SPACA9: variants seen among roughly 807,000 people sequenced by gnomAD.
SPACA9 encodes sperm acrosome associated 9, also known as sperm acrosome-associated protein 9.
A neutral mutation model predicts 12.5 loss-of-function variants in SPACA9; 14 were observed. That is an observed-to-expected ratio of 1.12 (90% CI 0.74 to 1.75). The LOEUF (loss-of-function observed/expected upper bound fraction) is 1.75, where lower values mean the gene tolerates loss of function less well. SPACA9 is among the 40% of genes most tolerant of loss of function. SPACA9 has a pLI of 0.00. For missense variants in SPACA9, 292 were observed against 291.9 expected (o/e 1.00, Z 0.00); for synonymous variants, 111 against 114.1 (o/e 0.97, Z 0.17).
Position 132,887,246 on chromosome 9 carries a change from G to A in SPACA9, c.145-123G>A, listed in dbSNP as rs938370794. 13 of 789,754 alleles carry A rather than the reference G, an allele frequency of 1.6e-5. No individual in the cohort carries two copies. Among genetic ancestry groups the A allele is most frequent in the African/African-American group, 1.5e-4 (9 of 58,848 alleles). The allele number at this position is 789,754 out of a possible 1,614,324, so 48.9% of individuals were successfully genotyped here. A position where few individuals can be genotyped will look rare whatever the true frequency, so the allele number is the denominator to read the frequency against. On this transcript the variant is annotated intron_variant, in intron 2 of 3. Coordinates refer to ENST00000356311, the MANE Select transcript of SPACA9 (RefSeq NM_001316897.2). This position sits in a 1 kb window ranked among gnomAD's most constrained non-coding sequence, Gnocchi z 5.4. ...CTTAAAATGCTTAAGCGTTACTTGCGTCTCCCCCATGAGTCATGTAGGGTG... is the reference window on the plus strand; with the variant it reads ...CTTAAAATGCTTAAGCGTTACTTGCATCTCCCCCATGAGTCATGTAGGGTG...
rs2131492600 is a variant in SPACA9, at chr9:132,886,873, A to T, written c.145-496A>T. Among the ~76,000 whole-genome samples the T allele has an allele frequency of 1.3e-5, 2 of 152,088 alleles. 1 individual carries two copies. ...GTTACCCAGGCTGGAGTGCAGTGGCATGATCTCGGCTCACTGCAGCCTCCT... is the reference window on the plus strand; with the variant it reads ...GTTACCCAGGCTGGAGTGCAGTGGCTTGATCTCGGCTCACTGCAGCCTCCT... On this transcript the variant is annotated intron_variant, in intron 2 of 3. Coordinates refer to ENST00000356311, the MANE Select transcript of SPACA9 (RefSeq NM_001316897.2).
rs1844492142 is a variant in SPACA9, at chr9:132,883,908, T to C, written c.-37-3T>C. 1.9e-6 allele frequency: 3 copies of C among 1,609,880 alleles called. No homozygotes were observed. The African/African-American group carries it at 4.0e-5, about 22-fold the overall frequency. On this transcript the variant is annotated splice_region_variant and splice_polypyrimidine_tract_variant and intron_variant, in intron 1 of 3. Coordinates refer to ENST00000356311, the MANE Select transcript of SPACA9 (RefSeq NM_001316897.2). Reference sequence around the variant, plus strand: ...CTCATCACTATCCTCTGTCTCCCCATAGATTCCTCTTCTCCTGTAAATGAC... The same window carrying C: ...CTCATCACTATCCTCTGTCTCCCCACAGATTCCTCTTCTCCTGTAAATGAC...
chr9:132,881,862 CCTT>C (rs1338283613), intron 1 of SPACA9, among the ~76,000 whole-genome samples: 1 of 152,120 alleles, frequency 6.6e-6, no homozygotes, highest in Non-Finnish European at 1.5e-5. Context: ...TTTGGCGCCT[CCTT>C]AAGTTTTGCA....
At chr9:132,886,712 G>A (rs1361588252) in intron 2 of SPACA9, among the ~76,000 whole-genome samples, 1 of 152,208 alleles carries the variant, frequency 6.6e-6, no homozygotes, top group East Asian at 1.9e-4. Context: ...TTTAGATGAA[G>A]ACAGGCGAGA....
chr9:132,885,123 C>T (rs936599126), intron 2 of SPACA9, among the ~76,000 whole-genome samples: 5 of 149,910 alleles, frequency 3.3e-5, no homozygotes, highest in Admixed American at 6.6e-5. Context: ...AAAAACAAAA[C>T]AAAACAAAAC....
chr9:132,881,294 G>A (rs199929210), intron 1 of SPACA9, among the ~76,000 whole-genome samples: 13 of 123,358 alleles, frequency 1.1e-4, no homozygotes, highest in East Asian at 2.8e-4. Context: ...AGAAAAAAAA[G>A]AAGAAAAAAA....
At chr9:132,880,862 G>A (rs1271417506) in intron 1 of SPACA9, among the ~76,000 whole-genome samples, 6 of 141,036 alleles carry the variant, frequency 4.3e-5, no homozygotes, top group East Asian at 2.1e-4. Flanking sequence ...TTGCTCTGTC[G>A]CCCAGGCTGG....
Position 132,887,582 on chromosome 9 carries a change from C to T in SPACA9, c.347+11C>T. On this transcript the variant is annotated intron_variant, in intron 3 of 3. Coordinates refer to ENST00000356311, the MANE Select transcript of SPACA9 (RefSeq NM_001316897.2). This position sits in a 1 kb window ranked among gnomAD's most constrained non-coding sequence, Gnocchi z 5.4. ...CAGCCTCAGAGCAAAGTAAGTCCCT[C>T]TGATGCTGCTCTTGAGGCCCCGTGT... 1.9e-6 allele frequency: 3 copies of T among 1,611,570 alleles called. No homozygotes were observed. The highest frequency in any genetic ancestry group is 2.5e-6 in the Non-Finnish European group (3 of 1,178,038).
upstream of SPACA9, chr9:132,878,606 C>A: frequency 3.7e-6 from 4 of 1,083,570 alleles, no homozygotes; most frequent in Non-Finnish European, 4.5e-6. The surrounding 1 kb of genome is among the most constrained non-coding windows in gnomAD (Gnocchi z 4.7). Flanking sequence ...GCTTCTGGTT[C>A]TGTCAGTGCT....
chr9:132,890,158 G>A, downstream of SPACA9: 1 of 492,824 alleles, frequency 2.0e-6, no homozygotes, highest in Non-Finnish European at 3.3e-6. Context: ...TAGGCAAGGG[G>A]GCATGCCTGT....
rs1844585103 is a variant in SPACA9, at chr9:132,887,049, T to G, written c.145-320T>G. ...CTGGTCTCGAACTCCTGACCTCAAGTGATCCCCGCCCACCTCAGCCTCCCA... is the reference window on the plus strand; with the variant it reads ...CTGGTCTCGAACTCCTGACCTCAAGGGATCCCCGCCCACCTCAGCCTCCCA... On this transcript the variant is annotated intron_variant, in intron 2 of 3. Transcript: ENST00000356311. This position sits in a 1 kb window ranked among gnomAD's most constrained non-coding sequence, Gnocchi z 5.4. Among the ~76,000 whole-genome samples the G allele has an allele frequency of 6.6e-6, 1 of 151,946 alleles. No homozygotes were observed. The highest frequency in any genetic ancestry group is 2.1e-4 in the South Asian group (1 of 4,816).
intron 1 of SPACA9, among the ~76,000 whole-genome samples, chr9:132,879,555 A>G (rs1564455097): frequency 6.6e-6 from 1 of 152,234 alleles, no homozygotes; most frequent in African/African-American, 2.4e-5. Flanking sequence ...ATATGGGGCT[A>G]CTATTAGTAG....
In SPACA9 at chr9:132,884,092, G is replaced by C; in HGVS notation, c.144+1G>C. The stretch of plus-strand genomic sequence containing the variant: ...CCGGCCCATCTCCAGCATTGGACAG[G>C]TGGGGCTCCCGACCCCCACCCCGGC... On this transcript the variant is annotated splice_donor_variant, in intron 2 of 3. Transcript: ENST00000356311. LOFTEE classifies it high-confidence loss of function. The C allele has an allele frequency of 6.2e-7, 1 of 1,610,780 alleles. No homozygotes were observed. The highest frequency in any genetic ancestry group is 1.1e-5 in the South Asian group (1 of 91,030).
intron 1 of SPACA9, among the ~76,000 whole-genome samples, chr9:132,879,232 TA>T (rs1289732119): frequency 2.6e-5 from 4 of 152,242 alleles, no homozygotes; most frequent in Non-Finnish European, 5.9e-5. Context: ...CTTGATATTT[TA>T]TTAGTCGCAA....
At chr9:132,878,713 G>A, upstream of SPACA9, 1 of 988,130 alleles carries the variant, frequency 1.0e-6, no homozygotes, top group Non-Finnish European at 1.2e-6. The surrounding 1 kb of genome is among the most constrained non-coding windows in gnomAD (Gnocchi z 4.7). Flanking sequence ...GGGCGTCCAT[G>A]AGATGGGCCG....
chr9:132,881,790 G>A (rs1381041548), intron 1 of SPACA9, among the ~76,000 whole-genome samples: 1 of 151,862 alleles, frequency 6.6e-6, no homozygotes, highest in Non-Finnish European at 1.5e-5. Flanking sequence ...GCCTCCCAAA[G>A]TGCTGGGATT....
intron 1 of SPACA9, 98 bp from the exon 2 acceptor site, chr9:132,883,813 G>A: frequency 5.2e-6 from 5 of 957,924 alleles, no homozygotes; most frequent in Non-Finnish European, 8.2e-6. Flanking sequence ...CAGTGAGAGG[G>A]GCCATGGGTA....
Position 132,888,564 on chromosome 9 carries a change from A to C in SPACA9, c.622A>C (p.Arg208=). 1 of 1,550,928 alleles carries C rather than the reference A, an allele frequency of 6.4e-7. No individual in the cohort carries two copies. The highest frequency in any genetic ancestry group is 8.7e-7 in the Non-Finnish European group (1 of 1,147,188). The change falls in exon 4 of 4, where the codon AGG becomes CGG. Residue 208 remains arginine, a synonymous_variant. Transcript: ENST00000356311. This position sits in a 1 kb window ranked among gnomAD's most constrained non-coding sequence, Gnocchi z 5.0. ...RQLTKASLKP[R]GCSKPPWRPP... ...GCTCACAAAAGCCAGCCTCAAACCC[A>C]GGGGATGTTCAAAACCACCCTGGAG...
At chr9:132,878,629 T>G, upstream of SPACA9, 1 of 1,042,166 alleles carries the variant, frequency 9.6e-7, no homozygotes, top group Non-Finnish European at 1.2e-6. This position sits in a 1 kb window ranked among gnomAD's most constrained non-coding sequence, Gnocchi z 4.7. Context: ...CCGGCCCGGC[T>G]CCCTGTGCCT....
Sources: gnomAD v4.1 joint callset for allele counts (sites outside exome capture counted in the v4.1 genomes callset) on GRCh38, gnomAD v4.1.1 for gene constraint, Gnocchi (gnomAD v3.1) non-coding constraint, MANE v1.5 for transcripts, NCBI Gene and HGNC (gene_info 2026-07-23, HGNC 2026-07-21) for gene names.